MYB: variants seen among roughly 807,000 people sequenced by gnomAD.
MYB encodes MYB proto-oncogene, transcription factor.
MYB carries 28 observed loss-of-function variants against 92.9 expected under a neutral mutation model. The ratio of observed to expected loss-of-function variants is 0.30; its 90% CI spans 0.22 to 0.41. The LOEUF (loss-of-function observed/expected upper bound fraction) is 0.41. Ranked by LOEUF, MYB falls within the 10% of genes least tolerant of loss-of-function variation. MYB has a pLI of 1.00. For missense variants in MYB, 679 were observed against 929.3 expected (o/e 0.73, Z 3.50); for synonymous variants, 295 against 329.1 (o/e 0.90, Z 1.12).
chr6:135,209,614 T>C (rs1021760316), intron 15 of MYB, among the ~76,000 whole-genome samples: 9 of 152,354 alleles, frequency 5.9e-5, no homozygotes, highest in Non-Finnish European at 8.8e-5. Flanking sequence ...TAGAGGCTTT[T>C]ATAAGCCATT....
chr6:135,212,020 C>T (rs1373998512), intron 15 of MYB, among the ~76,000 whole-genome samples: 1 of 152,010 alleles, frequency 6.6e-6, no homozygotes, highest in Non-Finnish European at 1.5e-5. Context: ...ATAACTGATC[C>T]ATTTTTTCAA....
intron 15 of MYB, among the ~76,000 whole-genome samples, chr6:135,208,312 C>T (rs1779255816): frequency 6.6e-6 from 1 of 151,656 alleles, no homozygotes; most frequent in Admixed American, 6.6e-5. Flanking sequence ...CTCCTGACCT[C>T]ATGATCGGCC....
chr6:135,204,834 G>A (rs985190921), intron 15 of MYB, among the ~76,000 whole-genome samples: 2 of 152,162 alleles, frequency 1.3e-5, no homozygotes, highest in Admixed American at 6.5e-5. Flanking sequence ...GAGGCCAGAC[G>A]CAGTGGCTCA....
At chr6:135,183,335 G>T (rs1018766491) in intron 1 of MYB, among the ~76,000 whole-genome samples, 1 of 152,156 alleles carries the variant, frequency 6.6e-6, no homozygotes, top group African/African-American at 2.4e-5. Context: ...CACAGTAGCG[G>T]CCACAAGGCA....
At position 135,195,855 on chromosome 6, in the gene MYB, C is replaced by T; in HGVS notation, c.1056C>T (p.His352=). The T allele has an allele frequency of 1.9e-6, 3 of 1,614,188 alleles. No homozygotes were observed. The highest frequency in any genetic ancestry group is 2.5e-6 in the Non-Finnish European group (3 of 1,180,040). The change falls in exon 9 of 16, where the codon CAC becomes CAT. Residue 352 remains histidine, a synonymous_variant. Transcript: ENST00000341911. ...SAPVSCLGEH[H]STPSLPADPG... is the part of the protein sequence containing the mutation. Reference sequence around the variant, plus strand: ...CTGTTTCCTGTTTGGGAGAACACCACTCCACTCCATCTCTGCCAGCGGATC... The same window carrying T: ...CTGTTTCCTGTTTGGGAGAACACCATTCCACTCCATCTCTGCCAGCGGATC...
chr6:135,200,360 T>C lies in MYB; in HGVS notation c.1895T>C (p.Ile632Thr). 1 of 1,614,186 alleles carries C rather than the reference T, an allele frequency of 6.2e-7. No homozygotes were observed. The highest frequency in any genetic ancestry group is 1.3e-5 in the African/African-American group (1 of 75,044). Residue 632 changes from isoleucine to threonine, a missense_variant, in exon 13 of 16, where the codon ATT (isoleucine) becomes ACT (threonine). Ile to Thr is a moderately conservative substitution (Grantham distance 89). Transcript: ENST00000341911. ...AAACAGGAATCTGATGAATCTGGAA[T>C]TGTTGCTGAGTTTCAAGAAAATGGA... ...VIKQESDESGIVAEFQENGPP... is the reference protein window; with the variant it reads ...VIKQESDESGTVAEFQENGPP...
chr6:135,184,322 CTT>C, intron 1 of MYB, among the ~76,000 whole-genome samples: 4,133 of 68,220 alleles, frequency 0.061, 107 homozygotes, highest in African/African-American at 0.22. Context: ...GGCTTTATAG[CTT>C]TTTTTTTTTT....
chr6:135,209,025 A>G (rs554339281), intron 15 of MYB, among the ~76,000 whole-genome samples: 1 of 152,188 alleles, frequency 6.6e-6, no homozygotes, highest in Non-Finnish European at 1.5e-5. Context: ...CACTTGAAAT[A>G]TGGCAAGTGC....
rs1331508434 is a variant in MYB at position 135,182,394 on chromosome 6, G to T, written c.23+858G>T. On this transcript the variant is annotated intron_variant, in intron 1 of 15. Coordinates refer to ENST00000341911, the MANE Select transcript of MYB (RefSeq NM_001130173.2). This position sits in a 1 kb window ranked among gnomAD's most constrained non-coding sequence, Gnocchi z 5.6. ...GACTTTCCCAGCAGCACACGCCGGG[G>T]CTCCCTGCGAGCGGCGGGTGCCAGG... 6.6e-6 allele frequency among the ~76,000 whole-genome samples: 1 copy of T among 152,182 alleles called. No individual in the cohort carries two copies. The highest frequency in any genetic ancestry group is 2.4e-5 in the African/African-American group (1 of 41,454).
intron 8 of MYB, chr6:135,195,226 T>C: frequency 1.9e-6 from 1 of 538,062 alleles, no homozygotes; most frequent in Non-Finnish European, 2.8e-6. Context: ...CTTCTGTTAA[T>C]TTGCTCTTCT....
chr6:135,194,456 T>A lies in MYB; in HGVS notation c.944T>A (p.Leu315Gln), dbSNP rs73774602. 15 of 1,609,466 alleles carry A rather than the reference T, an allele frequency of 9.3e-6. No individual in the cohort carries two copies. The African/African-American group carries it at 1.7e-4, about 19-fold the overall frequency. The change falls in exon 8 of 16, where the codon CTA (leucine) becomes CAA (glutamine). Residue 315 changes from leucine to glutamine, a missense_variant. Physicochemically the swap from Leu to Gln is moderately radical, Grantham distance 113. Coordinates refer to ENST00000341911, the MANE Select transcript of MYB (RefSeq NM_001130173.2). The part of the protein sequence containing the change: ...TENELKGQQV[L>Q]PTQNHTCSYP... Reference sequence around the variant, plus strand: ...AATGAGCTAAAAGGACAGCAGGTGCTACCAGTAAGACTGTCATCATGTGCT... The same window carrying A: ...AATGAGCTAAAAGGACAGCAGGTGCAACCAGTAAGACTGTCATCATGTGCT...
chr6:135,183,679 C>G (rs112736239), intron 1 of MYB, among the ~76,000 whole-genome samples: 1 of 152,356 alleles, frequency 6.6e-6, no homozygotes, highest in Non-Finnish European at 1.5e-5. Flanking sequence ...GGCAGGGAAA[C>G]TCAGGAGCTG....
intron 15 of MYB, 164 bp downstream of exon 15, chr6:135,203,488 G>T (rs1778430004): frequency 2.9e-6 from 2 of 686,788 alleles, no homozygotes; most frequent in South Asian, 2.0e-5. Flanking sequence ...TTGATGTCTA[G>T]AAAAATCCAA....
intron 14 of MYB, 28 bp from the exon 15 acceptor site, chr6:135,203,189 A>G: frequency 6.6e-7 from 1 of 1,507,298 alleles, no homozygotes; most frequent in Non-Finnish European, 9.2e-7. Flanking sequence ...AACCTCATTT[A>G]AATTTCAAAT....
chr6:135,199,705 A>T (rs1479050227), intron 11 of MYB: 1 of 330,720 alleles, frequency 3.0e-6, no homozygotes, highest in East Asian at 1.3e-4. Flanking sequence ...AGTAAATTTT[A>T]AAAGTTTAAC....
intron 6 of MYB, among the ~76,000 whole-genome samples, chr6:135,192,994 T>G (rs1172615725): frequency 2.0e-5 from 3 of 152,224 alleles, no homozygotes; most frequent in Non-Finnish European, 4.4e-5. Flanking sequence ...AGTTTGACAC[T>G]GAAATTCAGT....
At chr6:135,184,177 G>T (rs1291578919) in intron 1 of MYB, among the ~76,000 whole-genome samples, 11 of 152,100 alleles carry the variant, frequency 7.2e-5, no homozygotes, top group Admixed American at 7.2e-4. Flanking sequence ...AAGTTAATTC[G>T]ACTTGAATCT....
chr6:135,203,909 G>A (rs544972767), intron 15 of MYB: 4 of 1,150,100 alleles, frequency 3.5e-6, no homozygotes, highest in Admixed American at 8.6e-5. Flanking sequence ...AAGTGGGTGT[G>A]TGTTGATGAA....
Position 135,190,075 on chromosome 6 carries a change from G to A in MYB, c.307-52G>A, listed in dbSNP as rs1172461774. The A allele has an allele frequency of 8.3e-6, 13 of 1,565,560 alleles. No individual in the cohort carries two copies. The South Asian group carries it at 1.2e-4, about 15-fold the overall frequency. On this transcript the variant is annotated intron_variant, in intron 4 of 15. Transcript: ENST00000341911. The surrounding 1 kb of genome is among the most constrained non-coding windows in gnomAD (Gnocchi z 4.5). ...TGTAACACTGAAGAATGATTATACTGACTCATTACATAACTTTAAAACATA... is the reference window on the plus strand; with the variant it reads ...TGTAACACTGAAGAATGATTATACTAACTCATTACATAACTTTAAAACATA...
Sources: allele counts gnomAD v4.1 joint callset (sites outside exome capture counted in the v4.1 genomes callset), GRCh38; gene constraint gnomAD v4.1.1; non-coding constraint Gnocchi (gnomAD v3.1); transcripts MANE v1.5; gene names NCBI Gene and HGNC (gene_info 2026-07-23, HGNC 2026-07-21).